CELSR1: variants seen among roughly 807,000 people sequenced by gnomAD.
CELSR1 encodes the protein cadherin EGF LAG seven-pass G-type receptor 1.
Under a neutral mutation model 249.1 loss-of-function variants are expected in CELSR1, and 110 were observed. The observed-to-expected ratio is 0.44, with a 90% CI of 0.38 to 0.52. The LOEUF is 0.52. Among genes scored for constraint, CELSR1 ranks in the 20% least tolerant of loss-of-function variants. The pLI, the probability that CELSR1 is intolerant of heterozygous loss-of-function variation, is 0.00. For missense variants in CELSR1, 4,109 were observed against 4,296.4 expected, an observed-to-expected ratio of 0.96 and a Z score of 1.22; for synonymous variants, 2,113 against 1,900.0, an observed-to-expected ratio of 1.11 and a Z score of -2.92.
At chr22:46,439,433 C>A in intron 2 of CELSR1, 22 bp from the exon 3 acceptor site, 1 of 1,592,116 alleles carries the variant, frequency 6.3e-7, no homozygotes, top group Non-Finnish European at 8.5e-7. Context: ...GAGGAAGATG[C>A]CAGAGAGGAG....
chr22:46,439,008 T>G (rs2079702167), intron 3 of CELSR1, among the ~76,000 whole-genome samples, 181 bp downstream of exon 3: 1 of 152,192 alleles, frequency 6.6e-6, no homozygotes, highest in African/African-American at 2.4e-5. Flanking sequence ...TCCACCCGCC[T>G]CGGCCTCCCA....
At chr22:46,386,606 C>G (rs762664060) in intron 18 of CELSR1, 21 bp from the exon 19 acceptor site, 2 of 1,557,588 alleles carry the variant, frequency 1.3e-6, no homozygotes, top group Non-Finnish European at 1.7e-6. Context: ...AGACAGCACT[C>G]AGTACTCAGC....
In CELSR1 at chr22:46,488,770, C is replaced by T. The variant is rs1313894321; in HGVS notation, c.3545-24425G>A. 6.6e-6 allele frequency among the ~76,000 whole-genome samples: 1 copy of T among 151,962 alleles called. No homozygotes were observed. Among genetic ancestry groups the T allele is most frequent in the Non-Finnish European group, 1.5e-5 (1 of 68,006 alleles). ...CACCTCCCAGGTTCATGCCATTCTCCTGCCTCAGCCTCCCGAGTAGCTGGG... is the reference window on the plus strand; with the variant it reads ...CACCTCCCAGGTTCATGCCATTCTCTTGCCTCAGCCTCCCGAGTAGCTGGG... On this transcript the variant is annotated intron_variant, in intron 1 of 34. Coordinates refer to ENST00000674500, the MANE Select transcript of CELSR1 (RefSeq NM_001378328.1). This position sits in a 1 kb window ranked among gnomAD's most constrained non-coding sequence, Gnocchi z 4.7.
chr22:46,442,093 A>G (rs2079757321), intron 2 of CELSR1, among the ~76,000 whole-genome samples: 1 of 152,240 alleles, frequency 6.6e-6, no homozygotes, highest in East Asian at 1.9e-4. Context: ...GGTTGCAGTG[A>G]GCCAAGATGG....
intron 25 of CELSR1, chr22:46,370,262 G>A: frequency 2.5e-6 from 1 of 406,358 alleles, no homozygotes; most frequent in South Asian, 1.8e-5. Flanking sequence ...GTGAGCGGGT[G>A]AGGAACGCAT....
At position 46,429,668 on chromosome 22, in the gene CELSR1, G is replaced by C. The variant is rs1018204721; in HGVS notation, c.4611+3725C>G. On this transcript the variant is annotated intron_variant, in intron 5 of 34. Coordinates refer to ENST00000674500, the MANE Select transcript of CELSR1 (RefSeq NM_001378328.1). This position sits in a 1 kb window ranked among gnomAD's most constrained non-coding sequence, Gnocchi z 4.1. ...GAGGGTTCCCTACCCCATGGCTTCT[G>C]GTGGCTTTGGCCAGTGGGGAGCCAG... Among the ~76,000 whole-genome samples the C allele has an allele frequency of 4.6e-5, 7 of 152,244 alleles. No individual in the cohort carries two copies. The highest frequency in any genetic ancestry group is 2.6e-4 in the Admixed American group (4 of 15,282).
In CELSR1 at chr22:46,437,337, C is replaced by CAGCCA. The variant is rs2079674610; in HGVS notation, c.4407-1049_4407-1048insTGGCT. 6.6e-6 allele frequency among the ~76,000 whole-genome samples: 1 copy of CAGCCA among 152,218 alleles called. No homozygotes were observed. The highest frequency in any genetic ancestry group is 1.5e-5 in the Non-Finnish European group (1 of 68,038). On this transcript the variant is annotated intron_variant, in intron 3 of 34. Coordinates refer to ENST00000674500, the MANE Select transcript of CELSR1 (RefSeq NM_001378328.1). The surrounding 1 kb of genome is among the most constrained non-coding windows in gnomAD (Gnocchi z 4.9). ...ACTGGCTCCTGAGCTGGCTGGGTGT[C>CAGCCA]TCCACCATCAGAGATACACGGCAGG... is the stretch of plus-strand genomic sequence containing the variant.
At chr22:46,425,659 T>C (rs2079528414) in intron 5 of CELSR1, among the ~76,000 whole-genome samples, 1 of 152,176 alleles carries the variant, frequency 6.6e-6, no homozygotes. Context: ...TCTTCTCTTT[T>C]CCTTATCAGT....
In CELSR1 at chr22:46,397,821, T is replaced by C. The variant is rs764911695; in HGVS notation, c.5554A>G (p.Asn1852Asp). Reference protein sequence around the residue: ...QGVRMGGTPTNVATLNMNNAL... With the variant: ...QGVRMGGTPTDVATLNMNNAL... Reference sequence around the variant, plus strand: ...TTGTTCATGTTCAGGGTGGCGACGTTGGTGGGCGTCCCCCCCATCCTCACT... The same window carrying C: ...TTGTTCATGTTCAGGGTGGCGACGTCGGTGGGCGTCCCCCCCATCCTCACT... Residue 1852 changes from asparagine (N) to aspartate (D), a missense_variant, in exon 12 of 35, where the codon AAC (asparagine) becomes GAC (aspartate). Transcript: ENST00000674500. 2.5e-6 allele frequency: 4 copies of C among 1,587,466 alleles called. No homozygotes were observed. In the African/African-American group the frequency reaches 4.1e-5, roughly 16 times the overall value.
rs200176500 is a variant in CELSR1 at position 46,439,419 on chromosome 22, G to A, written c.4184-8C>T. On this transcript the variant is annotated splice_polypyrimidine_tract_variant and splice_region_variant and intron_variant, in intron 2 of 34. Transcript: ENST00000674500. ...CCACCTCACAGTGCTCTCCTGGGGGGCGAGAGGAAGATGCCAGAGAGGAGG... is the reference window on the plus strand; with the variant it reads ...CCACCTCACAGTGCTCTCCTGGGGGACGAGAGGAAGATGCCAGAGAGGAGG... 1.5e-4 allele frequency: 243 copies of A among 1,606,852 alleles called. 1 individual carries two copies. The East Asian group carries it at 5.0e-3, about 33-fold the overall frequency.
rs2079178759 is a variant in CELSR1 at position 46,398,687 on chromosome 22, G to C, written c.5413-50C>G. 1 of 1,437,130 alleles carries C rather than the reference G, an allele frequency of 7.0e-7. No homozygotes were observed. Among genetic ancestry groups the C allele is most frequent in the African/African-American group, 1.4e-5 (1 of 70,470 alleles). The allele number at this position is 1,437,130 out of a possible 1,614,324, so 89.0% of individuals were successfully genotyped here. On this transcript the variant is annotated intron_variant, in intron 10 of 34. Transcript: ENST00000674500. The surrounding 1 kb of genome is among the most constrained non-coding windows in gnomAD (Gnocchi z 7.2). ...TCTGGGGGCTGCATCCACCATCCTA[G>C]AAACGTCTCTCAGATGGGAAGGATA...
chr22:46,365,796 A>G, intron 30 of CELSR1, 107 bp from the exon 31 acceptor site: 1 of 666,708 alleles, frequency 1.5e-6, no homozygotes, highest in South Asian at 2.5e-5. Context: ...TGTTCCCAAC[A>G]ACAGCACAGA....
chr22:46,502,197 G>C (rs1602218390), intron 1 of CELSR1, among the ~76,000 whole-genome samples: 2 of 149,892 alleles, frequency 1.3e-5, no homozygotes, highest in Admixed American at 1.3e-4. Flanking sequence ...CAGGAGGTCG[G>C]GGCTGCAGTG....
Position 46,433,255 on chromosome 22 carries a change from G to C in CELSR1, c.4611+138C>G. The stretch of plus-strand genomic sequence containing the variant: ...TCGCCACGTTGGCCAAGCTGGTCTC[G>C]AGCTCCTGACCTCAGGTAATCCACC... On this transcript the variant is annotated intron_variant, in intron 5 of 34. Transcript: ENST00000674500. This position sits in a 1 kb window ranked among gnomAD's most constrained non-coding sequence, Gnocchi z 5.7. The C allele has an allele frequency of 5.1e-6, 3 of 593,458 alleles. No individual in the cohort carries two copies. Among genetic ancestry groups the C allele is most frequent in the Non-Finnish European group, 8.8e-6 (3 of 342,454 alleles). 36.8% of individuals were successfully genotyped at this position (593,458 alleles called of 1,614,324 possible).
At chr22:46,501,087 G>A (rs1215842585) in intron 1 of CELSR1, among the ~76,000 whole-genome samples, 1 of 151,764 alleles carries the variant, frequency 6.6e-6, no homozygotes, top group Non-Finnish European at 1.5e-5. Context: ...AGGCTAGAGT[G>A]CAATGGCATG....
Position 46,366,991 on chromosome 22 carries a change from A to G in CELSR1, c.8205+2T>C. 1 of 1,608,208 alleles carries G rather than the reference A, an allele frequency of 6.2e-7. No individual in the cohort carries two copies. The highest frequency in any genetic ancestry group is 8.5e-7 in the Non-Finnish European group (1 of 1,178,910). ...TCCCGCGGTGTCCCCGGCGCCTCCT[A>G]CCGTCAGCAGGGTGGCCCTGGTGGT... is the stretch of plus-strand genomic sequence containing the variant. On this transcript the variant is annotated splice_donor_variant, in intron 29 of 34. Transcript: ENST00000674500. LOFTEE classifies it high-confidence loss of function.
At chr22:46,376,653 C>T (rs1478378919) in intron 24 of CELSR1, among the ~76,000 whole-genome samples, 4 of 152,122 alleles carry the variant, frequency 2.6e-5, no homozygotes, top group Admixed American at 6.6e-5. Flanking sequence ...TGGGATTACA[C>T]GCATGAGCCA....
chr22:46,527,773 T>A lies in CELSR1; in HGVS notation c.3544+5854A>T, dbSNP rs1480927449. On this transcript the variant is annotated intron_variant, in intron 1 of 34. Coordinates refer to ENST00000674500, the MANE Select transcript of CELSR1 (RefSeq NM_001378328.1). This position sits in a 1 kb window ranked among gnomAD's most constrained non-coding sequence, Gnocchi z 5.5. ...CTGGGAAGGTTTGACACTGGCAGAA[T>A]CCTGCTTGGCCACTGAAGCAATTTA... Among the ~76,000 whole-genome samples, 3 of 152,196 alleles carry A rather than the reference T, an allele frequency of 2.0e-5. No homozygotes were observed. The highest frequency in any genetic ancestry group is 4.4e-5 in the Non-Finnish European group (3 of 68,036).
rs189773276 is a variant in CELSR1 at position 46,411,182 on chromosome 22, G to C, written c.4769+420C>G. Among the ~76,000 whole-genome samples, 160 of 152,270 alleles carry C rather than the reference G, an allele frequency of 1.1e-3. 2 individuals carry two copies. The highest frequency in any genetic ancestry group is 1.4e-3 in the Non-Finnish European group (94 of 68,020). Reference sequence around the variant, plus strand: ...CCACTGCACTCCAGCCTGGGCAACAGAGCGAGACCCCATCTCAGAAAAAAA... The same window carrying C: ...CCACTGCACTCCAGCCTGGGCAACACAGCGAGACCCCATCTCAGAAAAAAA... On this transcript the variant is annotated intron_variant, in intron 6 of 34. Transcript: ENST00000674500. The surrounding 1 kb of genome is among the most constrained non-coding windows in gnomAD (Gnocchi z 4.2).
Sources: gnomAD v4.1 joint callset for allele counts (sites outside exome capture counted in the v4.1 genomes callset) on GRCh38, gnomAD v4.1.1 for gene constraint, Gnocchi (gnomAD v3.1) non-coding constraint, MANE v1.5 for transcripts, NCBI Gene and HGNC (gene_info 2026-07-23, HGNC 2026-07-21) for gene names.